Variants in NUP54 observed in about 807,000 individuals in gnomAD.
NUP54 encodes the protein nucleoporin p54.
In NUP54, 27 loss-of-function variants were observed where a neutral mutation model predicts 66.4. The observed-to-expected ratio is 0.41, with a 90% CI of 0.30 to 0.56. The LOEUF is 0.56. NUP54 is among the 20% of genes least tolerant of loss of function. The probability of loss-of-function intolerance (pLI) is 0.34; values close to 1 mark genes in which losing one functional copy is unlikely to be tolerated. For synonymous variants in NUP54, 206 were observed against 210.7 expected, an observed-to-expected ratio of 0.98 and a Z score of 0.19; for missense variants, 486 against 596.3, an observed-to-expected ratio of 0.82 and a Z score of 1.93.
intron 8 of NUP54, among the ~76,000 whole-genome samples, chr4:76,129,520 C>A (rs1357410891): frequency 6.6e-6 from 1 of 152,052 alleles, no homozygotes; most frequent in Non-Finnish European, 1.5e-5. Context: ...AAAACTTCAC[C>A]CAAGGACTGC....
intron 8 of NUP54, among the ~76,000 whole-genome samples, chr4:76,128,321 T>A (rs1730630250): frequency 7.0e-6 from 1 of 142,808 alleles, no homozygotes; most frequent in Non-Finnish European, 1.5e-5. Flanking sequence ...GGAGACAAAA[T>A]CACCACCACC....
chr4:76,146,317 G>T (rs187250182), intron 1 of NUP54, among the ~76,000 whole-genome samples: 22 of 152,238 alleles, frequency 1.4e-4, no homozygotes, highest in African/African-American at 5.3e-4. Context: ...TTATGAGCTG[G>T]GTGGCTTTAT....
At chr4:76,146,097 C>G (rs1057169599) in intron 1 of NUP54, 2 of 449,998 alleles carry the variant, frequency 4.4e-6, no homozygotes, top group African/African-American at 4.0e-5. Flanking sequence ...CATCATGCTC[C>G]ACAACATCAA....
Position 76,115,397 on chromosome 4 carries a change from G to T in NUP54, c.1493C>A (p.Thr498Asn). The T allele has an allele frequency of 2.5e-6, 4 of 1,609,252 alleles. No individual in the cohort carries two copies. The highest frequency in any genetic ancestry group is 2.5e-6 in the Non-Finnish European group (3 of 1,178,098). Residue 498 changes from threonine to asparagine, a missense_variant, in exon 12 of 12, where the codon ACC becomes AAC. Physicochemically the swap from Thr to Asn is moderately conservative, Grantham distance 65. Coordinates refer to ENST00000264883, the MANE Select transcript of NUP54 (RefSeq NM_017426.4). ...AAAGACACCACCTCTGATGTGGATGGTTTCATTCAATCCATGTTCGACCAG... is the reference window on the plus strand; with the variant it reads ...AAAGACACCACCTCTGATGTGGATGTTTTCATTCAATCCATGTTCGACCAG... Reference protein sequence around the residue: ...IKLVEHGLNETIHIRGGVFS With the variant: ...IKLVEHGLNENIHIRGGVFS
At chr4:76,120,595 A>G (rs2109857104) in intron 9 of NUP54, among the ~76,000 whole-genome samples, 1 of 151,740 alleles carries the variant, frequency 6.6e-6, no homozygotes, top group Middle Eastern at 3.4e-3. Context: ...TGCCCAGCTA[A>G]TTTTTGTATT....
chr4:76,140,620 G>C (rs1174105823), intron 3 of NUP54, among the ~76,000 whole-genome samples: 1 of 152,114 alleles, frequency 6.6e-6, no homozygotes, highest in African/African-American at 2.4e-5. Context: ...TCTGCTAAAA[G>C]TAAGAACAGA....
chr4:76,125,343 C>CGCGT (rs1475627919), intron 8 of NUP54, among the ~76,000 whole-genome samples: 5 of 146,840 alleles, frequency 3.4e-5, no homozygotes, highest in South Asian at 2.2e-4. Flanking sequence ...CACACACACA[C>CGCGT]ACACACACGG....
At chr4:76,142,186 A>G (rs773657475) in intron 3 of NUP54, among the ~76,000 whole-genome samples, 1 of 152,256 alleles carries the variant, frequency 6.6e-6, no homozygotes, top group Non-Finnish European at 1.5e-5. Flanking sequence ...ATTTCAAGAA[A>G]CAAAGGAAAC....
chr4:76,147,609 G>A (rs768407161), intron 1 of NUP54: 151 of 1,289,726 alleles, frequency 1.2e-4, no homozygotes, highest in Admixed American at 5.1e-4. Flanking sequence ...ACCCACTGGC[G>A]GTGGAGTTGG....
chr4:76,139,035 A>G (rs971175640), intron 3 of NUP54, among the ~76,000 whole-genome samples: 2 of 152,190 alleles, frequency 1.3e-5, no homozygotes, highest in East Asian at 1.9e-4. Context: ...AAAATTGTCC[A>G]TTAAAAAGAA....
At chr4:76,129,631 C>T (rs1027612959) in intron 8 of NUP54, among the ~76,000 whole-genome samples, 79 of 152,168 alleles carry the variant, frequency 5.2e-4, no homozygotes, top group African/African-American at 1.5e-3. Context: ...TTCGGGAGGC[C>T]GAGATGGGTG....
chr4:76,115,553 T>A, intron 11 of NUP54, 59 bp from the exon 12 acceptor site: 2 of 1,415,352 alleles, frequency 1.4e-6, no homozygotes, highest in Admixed American at 2.6e-5. Context: ...TGCAAGCTAG[T>A]CACAGGAAAA....
At chr4:76,130,168 G>C (rs1730741259) in intron 8 of NUP54, among the ~76,000 whole-genome samples, 1 of 151,388 alleles carries the variant, frequency 6.6e-6, no homozygotes, top group South Asian at 2.1e-4. Context: ...TTTTAGTACA[G>C]ACCAGGTTTT....
In NUP54 at chr4:76,115,296, T is replaced by G; in HGVS notation, c.*70A>C. The stretch of plus-strand genomic sequence containing the variant: ...TCTTTTTCCCTCCATGTGGTCGGTT[T>G]CATTCTTAAGGAAGGTCTGATGCAG... On this transcript the variant is annotated 3_prime_UTR_variant, in exon 12 of 12. Transcript: ENST00000264883. The G allele has an allele frequency of 7.3e-7, 1 of 1,367,210 alleles. No homozygotes were observed. The highest frequency in any genetic ancestry group is 2.7e-5 in the East Asian group (1 of 37,052). 84.7% of individuals were successfully genotyped at this position (1,367,210 alleles called of 1,614,324 possible).
intron 8 of NUP54, among the ~76,000 whole-genome samples, chr4:76,129,960 A>T (rs1578679582): frequency 8.2e-6 from 1 of 122,560 alleles, no homozygotes; most frequent in Non-Finnish European, 1.7e-5. Flanking sequence ...GTATTTAATT[A>T]TGAAAGTTTT....
chr4:76,134,043 T>C (rs1338216204), intron 5 of NUP54, 132 bp downstream of exon 5: 2 of 622,792 alleles, frequency 3.2e-6, no homozygotes, highest in Admixed American at 7.3e-5. Flanking sequence ...CAATACTGAA[T>C]AATCACTAGC....
intron 9 of NUP54, among the ~76,000 whole-genome samples, chr4:76,123,524 T>G (rs1235390645): frequency 1.3e-5 from 2 of 152,190 alleles, no homozygotes; most frequent in Non-Finnish European, 2.9e-5. Context: ...TTTTTCTCCT[T>G]TTTTCTGAGA....
intron 8 of NUP54, among the ~76,000 whole-genome samples, chr4:76,125,762 AGAGG>A (rs1560679369): frequency 8.2e-5 from 2 of 24,494 alleles, no homozygotes; most frequent in Non-Finnish European, 1.4e-4. Context: ...GGAGAGGGGG[AGAGG>A]GGGAGAGAGG....
At chr4:76,126,575 G>A (rs1730547652) in intron 8 of NUP54, among the ~76,000 whole-genome samples, 1 of 151,954 alleles carries the variant, frequency 6.6e-6, no homozygotes, top group African/African-American at 2.4e-5. Context: ...TTTTCTACCA[G>A]TAATAACTAA....
Sources: allele counts gnomAD v4.1 joint callset (sites outside exome capture counted in the v4.1 genomes callset), GRCh38; gene constraint gnomAD v4.1.1; transcripts MANE v1.5; gene names NCBI Gene and HGNC (gene_info 2026-07-23, HGNC 2026-07-21).